Variants in APBB1IP observed in about 807,000 individuals in gnomAD.
The protein encoded by APBB1IP is amyloid beta A4 precursor protein-binding family B member 1-interacting protein.
Under a neutral mutation model 64.9 loss-of-function variants are expected in APBB1IP, and 27 were observed. The ratio of observed to expected loss-of-function variants is 0.42; its 90% confidence interval spans 0.31 to 0.57. The LOEUF is 0.57. Among genes scored for constraint, APBB1IP ranks in the 20% least tolerant of loss-of-function variants. The pLI, the probability that APBB1IP is intolerant of heterozygous loss-of-function variation, is 0.20. For synonymous variants in APBB1IP, 392 were observed against 331.0 expected (o/e 1.18, Z -2.00); for missense variants, 812 against 845.5 (o/e 0.96, Z 0.49).
At chr10:26,556,911 G>A (rs530168499) in intron 11 of APBB1IP, among the ~76,000 whole-genome samples, 52 of 152,288 alleles carry the variant, frequency 3.4e-4, no homozygotes, top group African/African-American at 1.2e-3. Context: ...GTAGGTCAGA[G>A]AGCCGTGTTT....
At chr10:26,478,878 AG>A (rs926923040) in intron 2 of APBB1IP, among the ~76,000 whole-genome samples, 31 of 152,144 alleles carry the variant, frequency 2.0e-4, no homozygotes, top group African/African-American at 7.5e-4. Context: ...TTTAAAAAGA[AG>A]GGATTTTTTT....
At chr10:26,444,780 A>C (rs1835373600) in intron 2 of APBB1IP, among the ~76,000 whole-genome samples, 1 of 152,078 alleles carries the variant, frequency 6.6e-6, no homozygotes, top group Non-Finnish European at 1.5e-5. Flanking sequence ...GAGTTTAGGA[A>C]ATTTGCCCAA....
chr10:26,465,175 A>G (rs1026089752), intron 2 of APBB1IP, among the ~76,000 whole-genome samples: 4 of 152,262 alleles, frequency 2.6e-5, no homozygotes, highest in Admixed American at 1.3e-4. Flanking sequence ...CATTTTCCAT[A>G]TATGAAAAAA....
At chr10:26,519,548 G>A (rs369876463) in intron 8 of APBB1IP, among the ~76,000 whole-genome samples, 1 of 152,164 alleles carries the variant, frequency 6.6e-6, no homozygotes, top group East Asian at 1.9e-4. Context: ...TAAACTGTTA[G>A]AAATTGCCTC....
intron 2 of APBB1IP, among the ~76,000 whole-genome samples, chr10:26,445,130 AAGAAAG>A (rs773033813): frequency 4.5e-4 from 1 of 2,226 alleles, no homozygotes; most frequent in Non-Finnish European, 1.3e-3. Context: ...AAAGAAAGAA[AAGAAAG>A]AAAGAAAGAA....
rs1192968283 is a variant in APBB1IP, at chr10:26,567,299, G to A, written c.1812G>A (p.Pro604=). Residue 604 remains proline (P), a synonymous_variant, in exon 15 of 15, where the codon CCG becomes CCA. Coordinates refer to ENST00000376236, the MANE Select transcript of APBB1IP (RefSeq NM_019043.4). ...AGSELPPPPP[P]PPAPAPAPVP... ...CAGAGCTGCCCCCGCCGCCGCCGCC[G>A]CCGCCCGCGCCCGCGCCCGCCCCCG... The A allele has an allele frequency of 3.7e-6, 4 of 1,080,700 alleles. No individual in the cohort carries two copies. Among genetic ancestry groups the A allele is most frequent in the African/African-American group, 3.5e-5 (2 of 57,380 alleles). The allele number at this position is 1,080,700 out of a possible 1,614,324, so 66.9% of individuals were successfully genotyped here.
rs151096058 is a variant in APBB1IP, at chr10:26,524,464, C to T, written c.814-8975C>T. ...TAAAGAGGGTTATTCTGAGCCAATACGAGTGATTGAGCTCAAATTACACAG... is the reference window on the plus strand; with the variant it reads ...TAAAGAGGGTTATTCTGAGCCAATATGAGTGATTGAGCTCAAATTACACAG... On this transcript the variant is annotated intron_variant, in intron 8 of 14. Coordinates refer to ENST00000376236, the MANE Select transcript of APBB1IP (RefSeq NM_019043.4). 2.2e-4 allele frequency among the ~76,000 whole-genome samples: 33 copies of T among 152,174 alleles called. No individual in the cohort carries two copies. The East Asian group carries it at 5.6e-3, about 26-fold the overall frequency.
chr10:26,504,136 T>C (rs1836140159), intron 6 of APBB1IP, among the ~76,000 whole-genome samples: 2 of 152,222 alleles, frequency 1.3e-5, no homozygotes, highest in Admixed American at 1.3e-4. Context: ...CAATTGCTCT[T>C]GTCTACTTTT....
At chr10:26,522,081 T>C (rs1836409189) in intron 8 of APBB1IP, among the ~76,000 whole-genome samples, 2 of 152,242 alleles carry the variant, frequency 1.3e-5, no homozygotes, top group South Asian at 4.1e-4. Flanking sequence ...AAGAATGCCA[T>C]GTCCAACATA....
At chr10:26,438,916 AG>A (rs1326642588) in intron 2 of APBB1IP, 63 bp downstream of exon 2, 1 of 152,114 alleles carries the variant, frequency 6.6e-6, no homozygotes, top group Non-Finnish European at 1.5e-5. Context: ...CGGGGCTGTC[AG>A]GAACCCGTTT....
At chr10:26,464,062 G>T (rs1434869177) in intron 2 of APBB1IP, among the ~76,000 whole-genome samples, 1 of 152,060 alleles carries the variant, frequency 6.6e-6, no homozygotes, top group Non-Finnish European at 1.5e-5. Flanking sequence ...TGGAGCTTGG[G>T]TGTCTGTCTT....
At chr10:26,440,392 T>A (rs1835327092) in intron 2 of APBB1IP, among the ~76,000 whole-genome samples, 3 of 152,322 alleles carry the variant, frequency 2.0e-5, no homozygotes, top group Non-Finnish European at 4.4e-5. Context: ...ACAAATTTTT[T>A]AAAAATGGAG....
At chr10:26,544,927 G>T (rs1245063666) in intron 11 of APBB1IP, among the ~76,000 whole-genome samples, 1 of 152,204 alleles carries the variant, frequency 6.6e-6, no homozygotes, top group Non-Finnish European at 1.5e-5. Context: ...GGAGAGAGGG[G>T]GCTCAGAGGT....
intron 2 of APBB1IP, among the ~76,000 whole-genome samples, chr10:26,456,844 T>A (rs770430924): frequency 6.7e-6 from 1 of 149,178 alleles, no homozygotes; most frequent in African/African-American, 2.5e-5. Context: ...AGATGAAAAG[T>A]AAGCTGGGGG....
In APBB1IP at chr10:26,503,118, G is replaced by A. The variant is rs1836127001; in HGVS notation, c.454-79G>A. On this transcript the variant is annotated intron_variant, in intron 5 of 14. Coordinates refer to ENST00000376236, the MANE Select transcript of APBB1IP (RefSeq NM_019043.4). Reference sequence around the variant, plus strand: ...CCTTTTGTTAATACAACGTAGCTGAGACACTAGCAATGACAGAAGTGATTA... The same window carrying A: ...CCTTTTGTTAATACAACGTAGCTGAAACACTAGCAATGACAGAAGTGATTA... 3 of 1,336,924 alleles carry A rather than the reference G, an allele frequency of 2.2e-6. No individual in the cohort carries two copies. The South Asian group carries it at 3.9e-5, about 17-fold the overall frequency. The allele number at this position is 1,336,924 out of a possible 1,614,324, so 82.8% of individuals were successfully genotyped here.
intron 5 of APBB1IP, chr10:26,502,041 G>A (rs1836108415): frequency 6.6e-6 from 1 of 152,192 alleles, no homozygotes; most frequent in Admixed American, 6.5e-5. Flanking sequence ...TTTCGAGGGG[G>A]CCATGCACCC....
intron 6 of APBB1IP, among the ~76,000 whole-genome samples, chr10:26,504,105 G>A (rs563613374): frequency 3.5e-4 from 53 of 152,242 alleles, no homozygotes; most frequent in South Asian, 2.3e-3. Flanking sequence ...AGCTTCTGTC[G>A]GCCTGGCCTC....
intron 2 of APBB1IP, among the ~76,000 whole-genome samples, chr10:26,485,239 G>C (rs1193352679): frequency 1.3e-5 from 2 of 152,192 alleles, no homozygotes; most frequent in African/African-American, 2.4e-5. Context: ...CTTAGAAACA[G>C]ACTGTTTAAC....
chr10:26,516,865 A>G (rs1407453741), intron 8 of APBB1IP, among the ~76,000 whole-genome samples: 1 of 152,118 alleles, frequency 6.6e-6, no homozygotes, highest in Non-Finnish European at 1.5e-5. Flanking sequence ...TCCTTTCACT[A>G]GAGGGCATCA....
Sources: gnomAD v4.1 joint callset for allele counts (sites outside exome capture counted in the v4.1 genomes callset) on GRCh38, gnomAD v4.1.1 for gene constraint, MANE v1.5 for transcripts, NCBI Gene and HGNC (gene_info 2026-07-23, HGNC 2026-07-21) for gene names.